RSRC1: variants seen among roughly 807,000 people sequenced by gnomAD.
RSRC1 encodes serine/Arginine-related protein 53.
A neutral mutation model predicts 49.1 loss-of-function variants in RSRC1; 39 were observed. That is an observed-to-expected ratio of 0.79 (90% CI 0.61 to 1.04). The LOEUF (loss-of-function observed/expected upper bound fraction) is 1.04. RSRC1 is among the 50% of genes least tolerant of loss of function. The probability of loss-of-function intolerance (pLI) is 0.00; values close to 1 mark genes in which losing one functional copy is unlikely to be tolerated. For missense variants in RSRC1, 388 were observed against 402.4 expected (o/e 0.96, Z 0.31); for synonymous variants, 143 against 130.8 (o/e 1.09, Z -0.63).
intron 5 of RSRC1, among the ~76,000 whole-genome samples, chr3:158,327,701 A>G (rs1007368673): frequency 2.0e-5 from 3 of 151,792 alleles, no homozygotes; most frequent in Non-Finnish European, 2.9e-5. Flanking sequence ...AAAAGAATGT[A>G]TATTCTGTTG....
intron 7 of RSRC1, among the ~76,000 whole-genome samples, chr3:158,480,399 T>A (rs1037551466): frequency 6.6e-6 from 1 of 152,036 alleles, no homozygotes; most frequent in African/African-American, 2.4e-5. Context: ...AATCTATAAT[T>A]TATTTAAAGT....
chr3:158,213,060 G>T (rs1234664852), intron 4 of RSRC1, among the ~76,000 whole-genome samples: 1 of 151,930 alleles, frequency 6.6e-6, no homozygotes, highest in Non-Finnish European at 1.5e-5. Context: ...GTCAGCACAA[G>T]TATAGAATCA....
intron 5 of RSRC1, among the ~76,000 whole-genome samples, chr3:158,340,575 A>C (rs527397346): frequency 2.0e-5 from 3 of 152,182 alleles, no homozygotes; most frequent in Admixed American, 2.0e-4. Context: ...CAAAAAAAAG[A>C]AGTGCCTTTT....
intron 6 of RSRC1, among the ~76,000 whole-genome samples, chr3:158,401,481 T>C (rs1376535752): frequency 6.6e-6 from 1 of 152,048 alleles, no homozygotes; most frequent in African/African-American, 2.4e-5. Context: ...ACAGATTGCA[T>C]GAGAACGAGA....
intron 5 of RSRC1, among the ~76,000 whole-genome samples, chr3:158,307,903 A>G (rs1329867201): frequency 2.0e-5 from 3 of 151,932 alleles, no homozygotes; most frequent in Non-Finnish European, 2.9e-5. Flanking sequence ...TAATTTAATA[A>G]TAGTAAATAA....
chr3:158,316,128 T>A (rs191902268), intron 5 of RSRC1, among the ~76,000 whole-genome samples: 343 of 150,110 alleles, frequency 2.3e-3, no homozygotes, highest in Admixed American at 3.6e-3. Flanking sequence ...GCCAAGATGG[T>A]GCCACAGCAC....
At chr3:158,428,481 TA>T (rs1356608916) in intron 6 of RSRC1, among the ~76,000 whole-genome samples, 2 of 151,794 alleles carry the variant, frequency 1.3e-5, no homozygotes, top group African/African-American at 4.8e-5. Flanking sequence ...GAGCAATTGT[TA>T]AACCCCTCTG....
chr3:158,181,092 C>CCA (rs1719598395), intron 3 of RSRC1, among the ~76,000 whole-genome samples: 1 of 152,186 alleles, frequency 6.6e-6, no homozygotes, highest in Admixed American at 6.5e-5. Flanking sequence ...GCGTGAGCCA[C>CCA]CGCCCCTGGC....
chr3:158,469,449 G>C (rs919690650), intron 7 of RSRC1: 2 of 425,402 alleles, frequency 4.7e-6, no homozygotes, highest in African/African-American at 2.1e-5. Flanking sequence ...AGATGGATTA[G>C]TTAATACCAT....
intron 6 of RSRC1, among the ~76,000 whole-genome samples, chr3:158,458,136 T>TTG (rs1383251222): frequency 6.6e-6 from 1 of 152,104 alleles, no homozygotes; most frequent in Non-Finnish European, 1.5e-5. Flanking sequence ...TATGGGGTTA[T>TTG]TGCCATTTGT....
chr3:158,517,181 T>G (rs1740609882), intron 7 of RSRC1, among the ~76,000 whole-genome samples: 1 of 96,456 alleles, frequency 1.0e-5, no homozygotes, highest in Non-Finnish European at 2.1e-5. Flanking sequence ...ATTATTATCA[T>G]TTTACAATTA....
chr3:158,198,358 A>G (rs367914306), intron 3 of RSRC1, among the ~76,000 whole-genome samples: 10 of 151,926 alleles, frequency 6.6e-5, no homozygotes, highest in African/African-American at 1.9e-4. Flanking sequence ...ATCTTCCTCC[A>G]TCCCTTTATT....
chr3:158,269,606 G>A (rs562014072), intron 4 of RSRC1, among the ~76,000 whole-genome samples: 2 of 152,040 alleles, frequency 1.3e-5, no homozygotes, highest in East Asian at 3.9e-4. Flanking sequence ...TCTGCCTCCC[G>A]GGTTGAAGTG....
At chr3:158,304,674 T>C (rs941410387) in intron 5 of RSRC1, among the ~76,000 whole-genome samples, 3 of 152,168 alleles carry the variant, frequency 2.0e-5, no homozygotes, top group Non-Finnish European at 4.4e-5. Context: ...CCTTTAAGGA[T>C]GTCAGCATAA....
At chr3:158,146,432 T>C (rs946137168) in intron 3 of RSRC1, among the ~76,000 whole-genome samples, 8 of 152,234 alleles carry the variant, frequency 5.3e-5, no homozygotes, top group Non-Finnish European at 7.3e-5. Flanking sequence ...GGATTACGTT[T>C]ATTGATTTGC....
At chr3:158,286,511 T>C (rs775732305) in intron 4 of RSRC1, among the ~76,000 whole-genome samples, 7 of 152,184 alleles carry the variant, frequency 4.6e-5, no homozygotes, top group Admixed American at 2.0e-4. Flanking sequence ...CTTAGACAAA[T>C]ACTATGAAAA....
chr3:158,122,736 C>A (rs1369788483), intron 2 of RSRC1, among the ~76,000 whole-genome samples: 4 of 152,050 alleles, frequency 2.6e-5, no homozygotes, highest in Admixed American at 6.5e-5. Context: ...CCTAGCCCCC[C>A]ACCCCATGAC....
intron 6 of RSRC1, among the ~76,000 whole-genome samples, chr3:158,430,072 C>CAA (rs145414836): frequency 0.059 from 7,705 of 129,734 alleles, 713 homozygotes; most frequent in African/African-American, 0.21. Context: ...ACCACACACA[C>CAA]AAAAAAAATA....
intron 7 of RSRC1, among the ~76,000 whole-genome samples, chr3:158,507,093 A>G (rs1270509478): frequency 6.6e-6 from 1 of 152,052 alleles, no homozygotes; most frequent in Non-Finnish European, 1.5e-5. Flanking sequence ...ATTTGCAGCA[A>G]CATGGATGGA....
Sources: gnomAD v4.1 joint callset for allele counts (sites outside exome capture counted in the v4.1 genomes callset) on GRCh38, gnomAD v4.1.1 for gene constraint, MANE v1.5 for transcripts, NCBI Gene and HGNC (gene_info 2026-07-23, HGNC 2026-07-21) for gene names.